Variants in NUMB observed in about 807,000 individuals in gnomAD.
NUMB encodes NUMB endocytic adaptor protein.
NUMB carries 29 observed loss-of-function variants against 59.7 expected under a neutral mutation model. The ratio of observed to expected loss-of-function variants is 0.49; its 90% confidence interval spans 0.36 to 0.66. The LOEUF (loss-of-function observed/expected upper bound fraction) is 0.66. Ranked by LOEUF, NUMB falls within the 30% of genes least tolerant of loss-of-function variation. The pLI is 0.00. For synonymous variants in NUMB, 288 were observed against 288.2 expected (o/e 1.00, Z 0.01); for missense variants, 723 against 822.0 (o/e 0.88, Z 1.47).
At chr14:73,348,244 T>C (rs545123914) in intron 4 of NUMB, among the ~76,000 whole-genome samples, 1 of 152,230 alleles carries the variant, frequency 6.6e-6, no homozygotes, top group East Asian at 1.9e-4. Context: ...TGGGAGTCAG[T>C]TGTATATAAG....
chr14:73,366,134 A>G (rs2140043582), intron 3 of NUMB, among the ~76,000 whole-genome samples: 1 of 152,358 alleles, frequency 6.6e-6, no homozygotes, highest in East Asian at 1.9e-4. Context: ...GAAGGCAGAC[A>G]AAACACATTC....
intron 10 of NUMB, among the ~76,000 whole-genome samples, chr14:73,282,937 G>T (rs1486832366): frequency 6.6e-6 from 1 of 152,138 alleles, no homozygotes; most frequent in Non-Finnish European, 1.5e-5. Context: ...CAGGAAAATG[G>T]GTTCAAGTCT....
intron 9 of NUMB, chr14:73,285,556 T>G (rs1028936277): frequency 2.0e-5 from 3 of 152,062 alleles, no homozygotes; most frequent in African/African-American, 7.2e-5. Context: ...AATAAAAATA[T>G]GTATGCTTTT....
intron 1 of NUMB, among the ~76,000 whole-genome samples, chr14:73,434,053 C>T (rs1897946433): frequency 6.6e-6 from 1 of 152,146 alleles, no homozygotes; most frequent in Admixed American, 6.6e-5. Context: ...AAGATCGTGC[C>T]ACTGCACTCC....
chr14:73,420,763 T>C (rs1259168442), intron 1 of NUMB, among the ~76,000 whole-genome samples: 7 of 152,144 alleles, frequency 4.6e-5, no homozygotes, highest in Admixed American at 4.6e-4. Flanking sequence ...GAGGTTGCAG[T>C]GAGCTGAGAT....
intron 2 of NUMB, among the ~76,000 whole-genome samples, chr14:73,369,044 CTT>C (rs66895849): frequency 1.0e-3 from 135 of 133,844 alleles, no homozygotes; most frequent in Middle Eastern, 3.8e-3. Context: ...AGAACATTTT[CTT>C]TTTTTTTTTT....
chr14:73,346,061 G>A (rs1892901059), intron 4 of NUMB, among the ~76,000 whole-genome samples: 1 of 152,170 alleles, frequency 6.6e-6, no homozygotes, highest in African/African-American at 2.4e-5. Flanking sequence ...GTGGCATGTT[G>A]TGATTTAATA....
intron 1 of NUMB, among the ~76,000 whole-genome samples, chr14:73,425,406 T>C (rs1407130991): frequency 6.6e-6 from 1 of 152,148 alleles, no homozygotes; most frequent in African/African-American, 2.4e-5. Flanking sequence ...GGGGTCTCGC[T>C]ATGTTGCCCA....
chr14:73,378,608 G>A (rs1895084814), intron 2 of NUMB, among the ~76,000 whole-genome samples: 1 of 152,120 alleles, frequency 6.6e-6, no homozygotes. Flanking sequence ...AAAAGACATG[G>A]AGGAACCTTA....
At chr14:73,316,292 A>G in intron 6 of NUMB, 98 bp downstream of exon 6, 2 of 1,002,244 alleles carry the variant, frequency 2.0e-6, no homozygotes, top group Non-Finnish European at 3.1e-6. Context: ...CCTGCATTAT[A>G]AAGAAACCAA....
intron 6 of NUMB, among the ~76,000 whole-genome samples, chr14:73,305,910 C>T (rs932256765): frequency 3.9e-5 from 6 of 152,228 alleles, no homozygotes; most frequent in South Asian, 2.1e-4. Context: ...AATAAACAAA[C>T]GAGACTTTTT....
chr14:73,419,487 C>T (rs1042682009), intron 1 of NUMB, among the ~76,000 whole-genome samples: 6 of 151,922 alleles, frequency 3.9e-5, no homozygotes, highest in Admixed American at 1.3e-4. Flanking sequence ...CCAGCCTGGG[C>T]GACAGAGCGA....
intron 6 of NUMB, among the ~76,000 whole-genome samples, chr14:73,309,718 T>TATAATAATAATA (rs199953380): frequency 5.8e-4 from 80 of 137,222 alleles, no homozygotes; most frequent in Admixed American, 1.5e-3. Context: ...GAACTTAAGG[T>TATAATAATAATA]ATAATAATAA....
chr14:73,448,770 G>A (rs997573406), intron 1 of NUMB, among the ~76,000 whole-genome samples: 1 of 151,980 alleles, frequency 6.6e-6, no homozygotes, highest in Non-Finnish European at 1.5e-5. Flanking sequence ...TTTTCTAGTA[G>A]TAGGATTAAT....
chr14:73,435,622 T>G (rs1898023750), intron 1 of NUMB, among the ~76,000 whole-genome samples: 1 of 151,906 alleles, frequency 6.6e-6, no homozygotes, highest in Non-Finnish European at 1.5e-5. Flanking sequence ...GACACAACAA[T>G]TCTGCTAGGC....
At chr14:73,413,506 T>G (rs1896987773) in intron 1 of NUMB, among the ~76,000 whole-genome samples, 3 of 151,698 alleles carry the variant, frequency 2.0e-5, no homozygotes, top group Admixed American at 6.6e-5. Context: ...GCTTGTAATC[T>G]CAGCACTTTG....
chr14:73,345,478 G>C (rs1456330832), intron 4 of NUMB, among the ~76,000 whole-genome samples: 1 of 152,068 alleles, frequency 6.6e-6, no homozygotes, highest in African/African-American at 2.4e-5. Context: ...ATGTACTCCT[G>C]ACTCTAAAAT....
intron 6 of NUMB, among the ~76,000 whole-genome samples, chr14:73,302,245 G>A (rs1220657656): frequency 1.3e-5 from 2 of 151,942 alleles, no homozygotes; most frequent in African/African-American, 4.8e-5. Flanking sequence ...TCTTGTATTT[G>A]TTCATACTTC....
chr14:73,393,210 G>A (rs1895943320), intron 2 of NUMB, among the ~76,000 whole-genome samples: 1 of 152,148 alleles, frequency 6.6e-6, no homozygotes, highest in Admixed American at 6.5e-5. Context: ...GTTTTCAGCA[G>A]CCCAATTTTA....
Sources: allele counts gnomAD v4.1 joint callset (sites outside exome capture counted in the v4.1 genomes callset), GRCh38; gene constraint gnomAD v4.1.1; transcripts MANE v1.5; gene names NCBI Gene and HGNC (gene_info 2026-07-23, HGNC 2026-07-21).